Variants in CSMD1 observed in about 807,000 individuals in gnomAD.
CSMD1 encodes CUB and Sushi multiple domains 1.
In CSMD1, 213 loss-of-function variants were observed where a neutral mutation model predicts 417.5. That is an observed-to-expected ratio of 0.51 (90% CI 0.46 to 0.57). The LOEUF (loss-of-function observed/expected upper bound fraction) is 0.57, where lower values mean the gene tolerates loss of function less well. CSMD1 is among the 20% of genes least tolerant of loss of function. The probability of loss-of-function intolerance (pLI) is 0.00; values close to 1 mark genes in which losing one functional copy is unlikely to be tolerated. For synonymous variants in CSMD1, 2,862 were observed against 1,736.8 expected (o/e 1.65, Z -16.11); for missense variants, 6,923 against 4,529.7 (o/e 1.53, Z -15.17).
chr8:4,488,607 A>G (rs1235196700), intron 2 of CSMD1, among the ~76,000 whole-genome samples: 1 of 152,052 alleles, frequency 6.6e-6, no homozygotes, highest in Admixed American at 6.6e-5. Context: ...CCTGTGCTTT[A>G]ACACATCCAA....
chr8:4,798,870 T>C (rs961656323), intron 1 of CSMD1, among the ~76,000 whole-genome samples: 1 of 152,182 alleles, frequency 6.6e-6, no homozygotes, highest in Non-Finnish European at 1.5e-5. Context: ...ATGCCATAAA[T>C]AAATGAAAAG....
At chr8:3,191,105 C>T (rs1432318618) in intron 33 of CSMD1, among the ~76,000 whole-genome samples, 9 of 152,198 alleles carry the variant, frequency 5.9e-5, no homozygotes, top group Non-Finnish European at 1.3e-4. Flanking sequence ...ACCTGCTCCA[C>T]GTGCCATCAT....
At chr8:4,717,970 A>C (rs1008491269) in intron 1 of CSMD1, among the ~76,000 whole-genome samples, 2 of 152,076 alleles carry the variant, frequency 1.3e-5, no homozygotes, top group South Asian at 2.1e-4. Flanking sequence ...AATCTATCAA[A>C]CTTATTTTAT....
At chr8:4,092,328 C>T (rs1396831695) in intron 3 of CSMD1, among the ~76,000 whole-genome samples, 3 of 152,166 alleles carry the variant, frequency 2.0e-5, no homozygotes, top group Admixed American at 2.0e-4. Context: ...TTTCCTGTGT[C>T]TGATGCTCCA....
At chr8:4,766,581 T>C (rs1412088604) in intron 1 of CSMD1, among the ~76,000 whole-genome samples, 1 of 152,176 alleles carries the variant, frequency 6.6e-6, no homozygotes, top group Admixed American at 6.6e-5. Flanking sequence ...TTGCCCAACA[T>C]GCAGCAGGGC....
At chr8:3,999,986 G>T (rs1254796898) in intron 4 of CSMD1, among the ~76,000 whole-genome samples, 1 of 152,164 alleles carries the variant, frequency 6.6e-6, no homozygotes, top group African/African-American at 2.4e-5. Flanking sequence ...TGCTACCACG[G>T]TAGTGTTTCC....
intron 8 of CSMD1, among the ~76,000 whole-genome samples, chr8:3,599,057 G>C (rs192250073): frequency 9.1e-4 from 138 of 151,870 alleles, no homozygotes; most frequent in East Asian, 5.1e-3. Context: ...CTCCAGCCTG[G>C]GTGTCAGAGC....
At chr8:4,911,678 T>C (rs1313627765) in intron 1 of CSMD1, among the ~76,000 whole-genome samples, 2 of 152,180 alleles carry the variant, frequency 1.3e-5, no homozygotes, top group African/African-American at 2.4e-5. Context: ...TCTGCATAAA[T>C]AGACTGAAAT....
chr8:3,765,159 C>A (rs1641976629), intron 5 of CSMD1, among the ~76,000 whole-genome samples: 1 of 152,188 alleles, frequency 6.6e-6, no homozygotes, highest in South Asian at 2.1e-4. Flanking sequence ...TTTCTAGCCT[C>A]ATTTCTTATC....
intron 12 of CSMD1, among the ~76,000 whole-genome samples, chr8:3,414,459 G>A (rs1010406308): frequency 6.6e-6 from 1 of 152,044 alleles, no homozygotes; most frequent in African/African-American, 2.4e-5. Context: ...CCTCAGTTCA[G>A]GTTCTCACCC....
chr8:4,803,047 T>G (rs1798393267), intron 1 of CSMD1, among the ~76,000 whole-genome samples: 1 of 152,150 alleles, frequency 6.6e-6, no homozygotes, highest in African/African-American at 2.4e-5. Flanking sequence ...CATTTCTAAT[T>G]CAATAAAAAC....
Position 3,486,329 on chromosome 8 carries a change from G to T in CSMD1, c.1448+7294C>A, listed in dbSNP as rs371180694. ...AATCCATTGAGGGTAAAAGGCACAAGAGAGGGAGTCAGGGATGGTGCACTG... is the reference window on the plus strand; with the variant it reads ...AATCCATTGAGGGTAAAAGGCACAATAGAGGGAGTCAGGGATGGTGCACTG... On this transcript the variant is annotated intron_variant, in intron 11 of 69. Coordinates refer to ENST00000635120, the MANE Select transcript of CSMD1 (RefSeq NM_033225.6). Among the ~76,000 whole-genome samples, 44 of 152,284 alleles carry T rather than the reference G, an allele frequency of 2.9e-4. No homozygotes were observed. In the South Asian group the frequency reaches 7.5e-3, roughly 26 times the overall value.
intron 2 of CSMD1, among the ~76,000 whole-genome samples, chr8:4,560,382 T>C (rs1025432552): frequency 2.0e-5 from 3 of 152,210 alleles, no homozygotes; most frequent in African/African-American, 7.2e-5. Flanking sequence ...GAAAGATAAA[T>C]GTTCCTAGTC....
chr8:4,735,814 TTCAATGGTGGTTCTGGAA>T (rs1810198374), intron 1 of CSMD1, among the ~76,000 whole-genome samples: 1 of 152,182 alleles, frequency 6.6e-6, no homozygotes, highest in Non-Finnish European at 1.5e-5. Flanking sequence ...TGCCTAGATC[TTCAATGGTGGTTCTGGAA>T]TCTGAACTGA....
At chr8:4,509,680 G>A (rs1474060807) in intron 2 of CSMD1, among the ~76,000 whole-genome samples, 4 of 152,076 alleles carry the variant, frequency 2.6e-5, no homozygotes, top group Non-Finnish European at 5.9e-5. Context: ...AATAATCACA[G>A]TCATGCTGAT....
intron 5 of CSMD1, among the ~76,000 whole-genome samples, chr8:3,772,208 AC>A (rs1798615229): frequency 6.9e-6 from 1 of 145,546 alleles, no homozygotes; most frequent in African/African-American, 2.5e-5. Context: ...ACACACACAC[AC>A]ACACACATAT....
At chr8:4,278,672 G>C (rs560414658) in intron 3 of CSMD1, among the ~76,000 whole-genome samples, 2 of 152,034 alleles carry the variant, frequency 1.3e-5, no homozygotes, top group Non-Finnish European at 2.9e-5. Flanking sequence ...TTAACATACC[G>C]AACAGTCTAT....
intron 3 of CSMD1, among the ~76,000 whole-genome samples, chr8:4,417,083 C>T: frequency 6.6e-6 from 1 of 151,884 alleles, no homozygotes; most frequent in East Asian, 1.9e-4. Context: ...CAATTTTATT[C>T]TATATTTAGC....
intron 3 of CSMD1, among the ~76,000 whole-genome samples, chr8:4,237,506 A>G (rs1802138579): frequency 6.6e-6 from 1 of 151,540 alleles, no homozygotes; most frequent in African/African-American, 2.4e-5. Flanking sequence ...TCACTCTTGA[A>G]CATGATGCTA....
Sources: gnomAD v4.1 joint callset for allele counts (sites outside exome capture counted in the v4.1 genomes callset) on GRCh38, gnomAD v4.1.1 for gene constraint, MANE v1.5 for transcripts, NCBI Gene and HGNC (gene_info 2026-07-23, HGNC 2026-07-21) for gene names.